COL19A1: variants seen among roughly 807,000 people sequenced by gnomAD.
The protein encoded by COL19A1 is collagen alpha-1(XIX) chain.
A neutral mutation model predicts 190.2 loss-of-function variants in COL19A1; 159 were observed. That is an observed-to-expected ratio of 0.84 (90% confidence interval 0.73 to 0.95). The LOEUF (loss-of-function observed/expected upper bound fraction) is 0.95. Ranked by LOEUF, COL19A1 falls within the 40% of genes least tolerant of loss-of-function variation. COL19A1 has a pLI of 0.00. For synonymous variants in COL19A1, 509 were observed against 458.9 expected, an observed-to-expected ratio of 1.11 and a Z score of -1.39; for missense variants, 1,418 against 1,431.9, an observed-to-expected ratio of 0.99 and a Z score of 0.16.
At chr6:69,973,450 T>C (rs1382536380) in intron 11 of COL19A1, among the ~76,000 whole-genome samples, 1 of 152,190 alleles carries the variant, frequency 6.6e-6, no homozygotes, top group Non-Finnish European at 1.5e-5. Context: ...TTTCGCATAT[T>C]TTTGTATTCA....
rs934674902 is a variant in COL19A1, at chr6:69,945,670, C to CT, written c.936+7577dup. Among the ~76,000 whole-genome samples, 3 of 151,750 alleles carry CT rather than the reference C, an allele frequency of 2.0e-5. No homozygotes were observed. In the Admixed American group the frequency reaches 2.0e-4, roughly 10 times the overall value. ...AATATATTGAAGTAATTGACAAGTC[C>CT]TTTTTTTGGATCAGTTTTACCCAAT... On this transcript the variant is annotated intron_variant, in intron 9 of 50. Transcript: ENST00000620364.
chr6:69,998,055 C>G (rs58591650), intron 11 of COL19A1, among the ~76,000 whole-genome samples: 3 of 152,026 alleles, frequency 2.0e-5, no homozygotes, highest in African/African-American at 4.8e-5. Flanking sequence ...GACAAAAAGG[C>G]CTTAGAATGA....
chr6:69,955,938 T>C (rs1297547089), intron 9 of COL19A1, among the ~76,000 whole-genome samples: 1 of 152,100 alleles, frequency 6.6e-6, no homozygotes, highest in Non-Finnish European at 1.5e-5. Flanking sequence ...CTCTCCACAA[T>C]GCAAATTAAG....
At chr6:70,016,535 C>T (rs1778118350) in intron 11 of COL19A1, among the ~76,000 whole-genome samples, 1 of 150,036 alleles carries the variant, frequency 6.7e-6, no homozygotes, top group South Asian at 2.1e-4. Context: ...ATGCTGGTTA[C>T]ACCTCAATAA....
At chr6:70,170,608 G>A (rs1263963547) in intron 40 of COL19A1, among the ~76,000 whole-genome samples, 2 of 152,118 alleles carry the variant, frequency 1.3e-5, no homozygotes, top group African/African-American at 4.8e-5. Flanking sequence ...GGACTGTTGA[G>A]AATGTAAACA....
At chr6:70,094,608 A>G (rs1312790675) in intron 15 of COL19A1, among the ~76,000 whole-genome samples, 1 of 152,208 alleles carries the variant, frequency 6.6e-6, no homozygotes, top group East Asian at 1.9e-4. Flanking sequence ...ATGAATACCA[A>G]TAGTCCATTA....
intron 16 of COL19A1, among the ~76,000 whole-genome samples, chr6:70,109,015 A>C (rs1784130126): frequency 1.3e-5 from 2 of 152,174 alleles, no homozygotes; most frequent in African/African-American, 4.8e-5. Flanking sequence ...CAAACATTGA[A>C]TATACAGTGG....
intron 14 of COL19A1, among the ~76,000 whole-genome samples, chr6:70,057,462 T>C (rs1344911126): frequency 6.6e-6 from 1 of 152,116 alleles, no homozygotes; most frequent in Non-Finnish European, 1.5e-5. Flanking sequence ...TTATGATAAA[T>C]AAGTGCTAGT....
chr6:69,996,627 T>C (rs1330960849), intron 11 of COL19A1, among the ~76,000 whole-genome samples: 1 of 152,136 alleles, frequency 6.6e-6, no homozygotes, highest in African/African-American at 2.4e-5. Context: ...TTTAAAACAT[T>C]TAGGCAAAGG....
intron 22 of COL19A1, 59 bp from the exon 23 acceptor site, chr6:70,142,708 A>AATCT: frequency 6.9e-7 from 1 of 1,449,730 alleles, no homozygotes; most frequent in Non-Finnish European, 9.4e-7. Flanking sequence ...ACTCAGGTAC[A>AATCT]ATCTATCTTT....
intron 19 of COL19A1, among the ~76,000 whole-genome samples, chr6:70,138,426 C>T (rs1054751810): frequency 6.6e-6 from 1 of 152,046 alleles, no homozygotes; most frequent in Non-Finnish European, 1.5e-5. Context: ...CAAAAAATGA[C>T]TTGTTTTAAT....
chr6:70,180,793 C>T (rs1185367419), intron 44 of COL19A1, among the ~76,000 whole-genome samples: 1 of 152,140 alleles, frequency 6.6e-6, no homozygotes, highest in African/African-American at 2.4e-5. Flanking sequence ...GCCTAATGTT[C>T]TCAACAGACT....
At chr6:70,162,700 A>C (rs1205144736) in intron 35 of COL19A1, among the ~76,000 whole-genome samples, 1 of 152,220 alleles carries the variant, frequency 6.6e-6, no homozygotes, top group Non-Finnish European at 1.5e-5. Context: ...ATGCCAATAG[A>C]GTCTTTACCA....
intron 27 of COL19A1, 70 bp downstream of exon 27, chr6:70,146,959 C>A: frequency 2.2e-6 from 3 of 1,359,340 alleles, no homozygotes; most frequent in Non-Finnish European, 3.0e-6. Context: ...CAAATTTTAA[C>A]AAGGAGAAAA....
intron 16 of COL19A1, among the ~76,000 whole-genome samples, chr6:70,103,179 A>G (rs1783739802): frequency 6.6e-6 from 1 of 152,186 alleles, no homozygotes; most frequent in Non-Finnish European, 1.5e-5. Context: ...ATCTCTAAAA[A>G]TAATCCTAGA....
intron 11 of COL19A1, among the ~76,000 whole-genome samples, chr6:69,982,192 T>A (rs1167628382): frequency 6.6e-6 from 1 of 152,170 alleles, no homozygotes; most frequent in Non-Finnish European, 1.5e-5. Flanking sequence ...CACTTTTTTA[T>A]TTTTATTTTC....
chr6:70,102,665 A>G (rs1046879794), intron 16 of COL19A1, among the ~76,000 whole-genome samples: 7 of 152,180 alleles, frequency 4.6e-5, no homozygotes, highest in African/African-American at 1.7e-4. Context: ...GATTTGGTAA[A>G]AAGTGCTATA....
Position 69,964,612 on chromosome 6 carries a change from G to A in COL19A1, c.1026+1742G>A, listed in dbSNP as rs372230891. ...ATAAGGCATTAGAAAACCATTCACCGTATTTGGCTTCAAGGATTTTCCTTG... is the reference window on the plus strand; with the variant it reads ...ATAAGGCATTAGAAAACCATTCACCATATTTGGCTTCAAGGATTTTCCTTG... On this transcript the variant is annotated intron_variant, in intron 11 of 50. Transcript: ENST00000620364. Among the ~76,000 whole-genome samples, 14 of 152,258 alleles carry A rather than the reference G, an allele frequency of 9.2e-5. No individual in the cohort carries two copies. In the East Asian group the frequency reaches 1.2e-3, roughly 13 times the overall value.
intron 11 of COL19A1, among the ~76,000 whole-genome samples, chr6:69,994,692 G>A (rs994701447): frequency 6.6e-6 from 1 of 152,130 alleles, no homozygotes; most frequent in African/African-American, 2.4e-5. Flanking sequence ...ATTCATTCTG[G>A]ATGTGGCACC....
Sources: gnomAD v4.1 joint callset for allele counts (sites outside exome capture counted in the v4.1 genomes callset) on GRCh38, gnomAD v4.1.1 for gene constraint, MANE v1.5 for transcripts, NCBI Gene and HGNC (gene_info 2026-07-23, HGNC 2026-07-21) for gene names.